Variants in LAMC3 observed in about 807,000 individuals in gnomAD.
The protein encoded by LAMC3 is laminin subunit gamma 3, also known as laminin subunit gamma-3.
LAMC3 carries 128 observed loss-of-function variants against 173.8 expected under a neutral mutation model. The ratio of observed to expected loss-of-function variants is 0.74; its 90% CI spans 0.64 to 0.85. The LOEUF is 0.85. Ranked by LOEUF, LAMC3 falls within the 40% of genes least tolerant of loss-of-function variation. LAMC3 has a pLI of 0.00. For synonymous variants in LAMC3, 897 were observed against 909.1 expected, an observed-to-expected ratio of 0.99 and a Z score of 0.24; for missense variants, 2,022 against 2,156.0, an observed-to-expected ratio of 0.94 and a Z score of 1.23.
At position 131,049,160 on chromosome 9, in the gene LAMC3, G is replaced by A. The variant is rs775240287; in HGVS notation, c.1630+30G>A. 5.5e-5 allele frequency: 73 copies of A among 1,336,180 alleles called. 1 individual carries two copies. Among genetic ancestry groups the A allele is most frequent in the Admixed American group, 4.9e-4 (25 of 50,760 alleles). The allele number at this position is 1,336,180 out of a possible 1,614,324, so 82.8% of individuals were successfully genotyped here. A position where few individuals can be genotyped will look rare whatever the true frequency, so the allele number is the denominator to read the frequency against. ...CTCCAGCACCAGGTGGGGGCTGGCC[G>A]CCCTGTGTCGGTTCCTCCTGCTGCT... On this transcript the variant is annotated intron_variant, in intron 9 of 27. Coordinates refer to ENST00000361069, the MANE Select transcript of LAMC3 (RefSeq NM_006059.4).
chr9:131,089,637 C>T (rs560147114), intron 27 of LAMC3, among the ~76,000 whole-genome samples: 22 of 152,072 alleles, frequency 1.4e-4, no homozygotes, highest in African/African-American at 5.1e-4. Flanking sequence ...ATCCTCCTGC[C>T]TTGGCCTCCC....
intron 1 of LAMC3, among the ~76,000 whole-genome samples, chr9:131,016,286 A>T (rs551430783): frequency 6.6e-6 from 1 of 152,234 alleles, no homozygotes. Context: ...ATGGGGACAG[A>T]GTTTCAGTTT....
chr9:131,009,570 A>C lies in LAMC3; in HGVS notation c.356A>C (p.Asn119Thr). 1 of 1,573,140 alleles carries C rather than the reference A, an allele frequency of 6.4e-7. No individual in the cohort carries two copies. Among genetic ancestry groups the C allele is most frequent in the East Asian group, 2.4e-5 (1 of 42,444 alleles). ...AFGVQYPTSVNITLRLGKAYE... is the reference protein window; with the variant it reads ...AFGVQYPTSVTITLRLGKAYE... ...GGCGTGCAGTACCCCACCTCGGTCA[A>C]CATCACCCTCCGCCTAGGTAAGCGC... Residue 119 changes from asparagine to threonine, a missense_variant, in exon 1 of 28, where the codon AAC becomes ACC. Asn to Thr is a moderately conservative substitution (Grantham distance 65). Coordinates refer to ENST00000361069, the MANE Select transcript of LAMC3 (RefSeq NM_006059.4). The surrounding 1 kb of genome is among the most constrained non-coding windows in gnomAD (Gnocchi z 4.3).
At chr9:131,022,487 A>G (rs1171063246) in intron 1 of LAMC3, among the ~76,000 whole-genome samples, 1 of 152,228 alleles carries the variant, frequency 6.6e-6, no homozygotes, top group Non-Finnish European at 1.5e-5. Flanking sequence ...TTTAAACTAT[A>G]CAATCCAGTG....
Position 131,026,707 on chromosome 9 carries a change from C to G in LAMC3, c.678+118C>G, listed in dbSNP as rs531311361. On this transcript the variant is annotated intron_variant, in intron 2 of 27. Transcript: ENST00000361069. This position sits in a 1 kb window ranked among gnomAD's most constrained non-coding sequence, Gnocchi z 4.8. ...GGGACCTGCAAAACCCCATGGTTTT[C>G]TTTTTCTTCTTTTATTTTTGGAGAC... is the stretch of plus-strand genomic sequence containing the variant. 233 of 1,410,116 alleles carry G rather than the reference C, an allele frequency of 1.7e-4. No homozygotes were observed. In the African/African-American group the frequency reaches 2.7e-3, roughly 16 times the overall value. The allele number at this position is 1,410,116 out of a possible 1,614,324, so 87.4% of individuals were successfully genotyped here.
chr9:131,038,676 T>C lies in LAMC3; in HGVS notation c.977-188T>C, dbSNP rs1009249. ...GTCCCCTTTGCTCTTAAGAGTGTCC[T>C]GTTTTGGAAAATCAATTGATCAATG... On this transcript the variant is annotated intron_variant, in intron 4 of 27. Transcript: ENST00000361069. Among the ~76,000 whole-genome samples, 25,045 of 152,138 alleles carry C rather than the reference T, an allele frequency of 0.16. 6,401 individuals are homozygous for C. The highest frequency in any genetic ancestry group is 0.55 in the African/African-American group (22,732 of 41,428).
rs35239233 is a variant in LAMC3 at position 131,010,152 on chromosome 9, C to CAAA, written c.373+589_373+591dup. Among the ~76,000 whole-genome samples the CAAA allele has an allele frequency of 3.5e-4, 14 of 39,592 alleles. 1 individual carries two copies. The South Asian group carries it at 8.3e-3, about 23-fold the overall frequency. The allele number at this position is 39,592 out of a possible 152,430, so 26.0% of individuals were successfully genotyped here. On this transcript the variant is annotated intron_variant, in intron 1 of 27. Transcript: ENST00000361069. Reference sequence around the variant, plus strand: ...CTGGGCAACAGAGCTAACTCCGTCTCAAAAAAAAAAAAAAAAAAAAAAAAA... The same window carrying CAAA: ...CTGGGCAACAGAGCTAACTCCGTCTCAAAAAAAAAAAAAAAAAAAAAAAAAAAA...
At chr9:131,079,972 T>G (rs1830209044) in intron 23 of LAMC3, among the ~76,000 whole-genome samples, 1 of 152,136 alleles carries the variant, frequency 6.6e-6, no homozygotes, top group African/African-American at 2.4e-5. Context: ...TACCGATAAT[T>G]TTGTTTTTAA....
At position 131,009,919 on chromosome 9, in the gene LAMC3, C is replaced by T. The variant is rs549072923; in HGVS notation, c.373+332C>T. Among the ~76,000 whole-genome samples, 59 of 151,456 alleles carry T rather than the reference C, an allele frequency of 3.9e-4. No homozygotes were observed. The highest frequency in any genetic ancestry group is 1.3e-3 in the African/African-American group (54 of 41,248). ...CTGTAATCCCAGCACTTTGGGAGGC[C>T]GAGGCGGGCGGATCACCTGAGGTCA... On this transcript the variant is annotated intron_variant, in intron 1 of 27. Coordinates refer to ENST00000361069, the MANE Select transcript of LAMC3 (RefSeq NM_006059.4). This position sits in a 1 kb window ranked among gnomAD's most constrained non-coding sequence, Gnocchi z 4.3.
chr9:131,085,366 A>G (rs1312482492), intron 24 of LAMC3, among the ~76,000 whole-genome samples, 158 bp from the exon 25 acceptor site: 1 of 152,176 alleles, frequency 6.6e-6, no homozygotes, highest in African/African-American at 2.4e-5. Flanking sequence ...TTTCTCCTGG[A>G]TAAGCCTGAG....
At chr9:131,076,375 A>T (rs1830126914) in intron 21 of LAMC3, among the ~76,000 whole-genome samples, 1 of 151,392 alleles carries the variant, frequency 6.6e-6, no homozygotes. Flanking sequence ...TGCTTTGGTG[A>T]CCCCTTCTGT....
chr9:131,065,631 G>T (rs186165710), intron 13 of LAMC3, among the ~76,000 whole-genome samples: 1 of 152,192 alleles, frequency 6.6e-6, no homozygotes. Context: ...ATAAGGTGAC[G>T]ATGACAGTTG....
Position 131,029,313 on chromosome 9 carries a change from A to G in LAMC3, c.678+2724A>G, listed in dbSNP as rs1833783939. Among the ~76,000 whole-genome samples, 1 of 152,184 alleles carries G rather than the reference A, an allele frequency of 6.6e-6. No individual in the cohort carries two copies. Among genetic ancestry groups the G allele is most frequent in the Non-Finnish European group, 1.5e-5 (1 of 68,032 alleles). On this transcript the variant is annotated intron_variant, in intron 2 of 27. Coordinates refer to ENST00000361069, the MANE Select transcript of LAMC3 (RefSeq NM_006059.4). This position sits in a 1 kb window ranked among gnomAD's most constrained non-coding sequence, Gnocchi z 4.6. ...CACCATGATTTTATTTAAAAATTAC[A>G]ATTTCTTCTCCACGGGGCTCCAAAG...
At chr9:131,087,895 C>A in intron 27 of LAMC3, 78 bp downstream of exon 27, 2 of 1,130,498 alleles carry the variant, frequency 1.8e-6, no homozygotes, top group Non-Finnish European at 2.6e-6. Context: ...AGCTCCAGTC[C>A]TGGGGAAGAT....
Position 131,009,246 on chromosome 9 carries a change from C to G in LAMC3, c.32C>G (p.Ala11Gly). 2 of 1,284,396 alleles carry G rather than the reference C, an allele frequency of 1.6e-6. No individual in the cohort carries two copies. Among genetic ancestry groups the G allele is most frequent in the Non-Finnish European group, 9.8e-7 (1 of 1,020,962 alleles). 79.6% of individuals were successfully genotyped at this position (1,284,396 alleles called of 1,614,324 possible). A position where few individuals can be genotyped will look rare whatever the true frequency, so the allele number is the denominator to read the frequency against. Reference sequence around the variant, plus strand: ...GCGGCTGCGCTTCTGCTGGGGCTGGCGCTGCTGGCACCGCGGGCGGCCGGC... The same window carrying G: ...GCGGCTGCGCTTCTGCTGGGGCTGGGGCTGCTGGCACCGCGGGCGGCCGGC... MAAAALLLGL[A>G]LLAPRAAGAG... is the part of the protein sequence containing the mutation. Residue 11 changes from alanine to glycine, a missense_variant, in exon 1 of 28, where the codon GCG becomes GGG. Transcript: ENST00000361069. The surrounding 1 kb of genome is among the most constrained non-coding windows in gnomAD (Gnocchi z 4.3).
chr9:131,044,367 G>A lies in LAMC3; in HGVS notation c.1383-1157G>A, dbSNP rs780746983. 6.6e-4 allele frequency among the ~76,000 whole-genome samples: 100 copies of A among 152,076 alleles called. 1 individual carries two copies. Among genetic ancestry groups the A allele is most frequent in the African/African-American group, 2.3e-3 (97 of 41,540 alleles). On this transcript the variant is annotated intron_variant, in intron 7 of 27. Coordinates refer to ENST00000361069, the MANE Select transcript of LAMC3 (RefSeq NM_006059.4). ...TCTACTAAAAATACAAAAATTAGCC[G>A]GGCATGGTGGCGCACACCTGTAGTC...
intron 11 of LAMC3, 70 bp downstream of exon 11, chr9:131,053,035 C>A: frequency 8.6e-7 from 1 of 1,160,026 alleles, no homozygotes; most frequent in Non-Finnish European, 1.3e-6. Flanking sequence ...TGGGCTCCGG[C>A]GGTCACAGTC....
intron 14 of LAMC3, 58 bp downstream of exon 14, chr9:131,067,263 C>T (rs1588161233): frequency 1.2e-6 from 2 of 1,605,192 alleles, no homozygotes; most frequent in Middle Eastern, 3.7e-4. Context: ...CTCTTCTGCC[C>T]TGGCTCAGGG....
chr9:131,054,224 G>T (rs974031898), intron 11 of LAMC3, among the ~76,000 whole-genome samples: 3 of 152,070 alleles, frequency 2.0e-5, no homozygotes, highest in Admixed American at 1.3e-4. Flanking sequence ...TTGCTTCCAG[G>T]GGAGGGAGAT....
Sources: allele counts gnomAD v4.1 joint callset (sites outside exome capture counted in the v4.1 genomes callset), GRCh38; gene constraint gnomAD v4.1.1; non-coding constraint Gnocchi (gnomAD v3.1); transcripts MANE v1.5; gene names NCBI Gene and HGNC (gene_info 2026-07-23, HGNC 2026-07-21).